Variants in USP32 observed in about 807,000 individuals in gnomAD.
The protein encoded by USP32 is ubiquitin specific peptidase 32, also known as ubiquitin carboxyl-terminal hydrolase 32.
USP32 carries 59 observed loss-of-function variants against 204.8 expected under a neutral mutation model. The observed-to-expected ratio is 0.29, with a 90% CI of 0.23 to 0.36. USP32 has a LOEUF of 0.36. Ranked by LOEUF, USP32 falls within the 10% of genes least tolerant of loss-of-function variation. USP32 has a pLI of 1.00. For missense variants in USP32, 1,160 were observed against 1,946.4 expected (o/e 0.60, Z 7.60); for synonymous variants, 517 against 678.4 (o/e 0.76, Z 3.70).
intron 2 of USP32, among the ~76,000 whole-genome samples, chr17:60,317,395 A>G (rs1307059372): frequency 6.6e-6 from 1 of 151,062 alleles, no homozygotes; most frequent in Non-Finnish European, 1.5e-5. Flanking sequence ...GCATGCCTGT[A>G]GTACCAGCGA....
At position 60,183,298 on chromosome 17, in the gene USP32, A is replaced by C. The variant is rs201933998; in HGVS notation, c.3990T>G (p.Asp1330Glu). 1,944 of 1,613,980 alleles carry C rather than the reference A, an allele frequency of 1.2e-3. 22 individuals carry two copies. The South Asian group carries it at 0.015, about 12-fold the overall frequency. The change falls in exon 31 of 34, where the codon GAT (aspartate) becomes GAG (glutamate). Residue 1330 changes from aspartate to glutamate, a missense_variant. Asp to Glu is a conservative substitution (Grantham distance 45, BLOSUM62 2). Around this residue, in one of 8 missense-constraint regions of USP32, gnomAD observed 244 missense variants for 342.3 expected, o/e 0.71. Transcript: ENST00000300896. ...CQHKPLTPQG[D>E]ELSEPRILAR... ...CCAGAATCCTGGGCTCAGAGAGCTC[A>C]TCCCCCTGGGGTGTGAGTGGTTTAT...
intron 9 of USP32, 110 bp from the exon 10 acceptor site, chr17:60,255,368 G>A (rs1245139348): frequency 2.6e-6 from 2 of 780,008 alleles, no homozygotes; most frequent in African/African-American, 1.9e-5. Context: ...CACGATCTTG[G>A]CTCACTGAAA....
chr17:60,352,922 G>C (rs2088983483), intron 1 of USP32, among the ~76,000 whole-genome samples: 1 of 152,188 alleles, frequency 6.6e-6, no homozygotes, highest in Non-Finnish European at 1.5e-5. Context: ...AGAAAAAAAT[G>C]ATCTTTGATG....
intron 1 of USP32, among the ~76,000 whole-genome samples, chr17:60,407,302 G>A (rs188188851): frequency 2.4e-3 from 370 of 152,284 alleles, no homozygotes; most frequent in Admixed American, 3.8e-3. Context: ...GTAGAGCTAA[G>A]TTCCAGGAGA....
chr17:60,420,092 T>G (rs934218184), intron 1 of USP32, among the ~76,000 whole-genome samples: 27 of 142,092 alleles, frequency 1.9e-4, no homozygotes, highest in Admixed American at 7.6e-4. Context: ...TATTTTATTT[T>G]ATTTGTTTTG....
chr17:60,284,511 C>T (rs1056378468), intron 5 of USP32, among the ~76,000 whole-genome samples: 8 of 152,088 alleles, frequency 5.3e-5, no homozygotes, highest in East Asian at 3.9e-4. Flanking sequence ...TGAGCCACCA[C>T]GCCCAGCCTA....
intron 1 of USP32, among the ~76,000 whole-genome samples, chr17:60,389,408 T>C (rs1344541570): frequency 6.6e-6 from 1 of 151,896 alleles, no homozygotes; most frequent in Non-Finnish European, 1.5e-5. Context: ...CCAGGAGTGG[T>C]GGCATGCGCC....
At chr17:60,247,696 G>A (rs915499128) in intron 11 of USP32, among the ~76,000 whole-genome samples, 6 of 150,404 alleles carry the variant, frequency 4.0e-5, no homozygotes, top group Non-Finnish European at 7.4e-5. Context: ...TTGTTTGTTT[G>A]TTTTTGAGAC....
chr17:60,218,352 T>C (rs1030442687), intron 16 of USP32, among the ~76,000 whole-genome samples: 11 of 151,728 alleles, frequency 7.2e-5, no homozygotes, highest in African/African-American at 2.7e-4. Context: ...CCACTCCACT[T>C]CAGCCTGGGC....
intron 5 of USP32, among the ~76,000 whole-genome samples, chr17:60,275,645 A>G (rs1484979574): frequency 6.6e-6 from 1 of 152,166 alleles, no homozygotes; most frequent in Non-Finnish European, 1.5e-5. Context: ...AGTTTAGCAA[A>G]GTAACTCTTA....
upstream of USP32, among the ~76,000 whole-genome samples, chr17:60,392,950 G>A (rs571712708): frequency 1.1e-4 from 17 of 152,168 alleles, 1 homozygote; most frequent in South Asian, 3.5e-3. Context: ...GCGTGGAGTC[G>A]TTTTAATCTG....
intron 1 of USP32, among the ~76,000 whole-genome samples, chr17:60,362,019 A>T (rs2089217616): frequency 6.6e-6 from 1 of 152,174 alleles, no homozygotes; most frequent in Non-Finnish European, 1.5e-5. Context: ...TGGCTTTACC[A>T]CAATACACAT....
chr17:60,422,256 C>T (rs549291857), exon 1 of USP32: 24 of 361,878 alleles, frequency 6.6e-5, no homozygotes, highest in African/African-American at 4.7e-4. Context: ...CAGGTGGTGT[C>T]AGGATCAGCA....
intron 12 of USP32, among the ~76,000 whole-genome samples, chr17:60,233,476 A>G (rs940787386): frequency 2.0e-5 from 3 of 152,132 alleles, no homozygotes; most frequent in African/African-American, 7.2e-5. Context: ...CAAGCAAACA[A>G]CAACAACAAA....
intron 12 of USP32, among the ~76,000 whole-genome samples, chr17:60,232,012 C>T (rs1229737292): frequency 6.6e-6 from 1 of 151,912 alleles, no homozygotes; most frequent in Non-Finnish European, 1.5e-5. Context: ...TTTAGTCTTG[C>T]CAGTATTTGA....
intron 2 of USP32, among the ~76,000 whole-genome samples, chr17:60,338,352 A>C (rs1348251475): frequency 6.6e-6 from 1 of 151,986 alleles, no homozygotes; most frequent in Non-Finnish European, 1.5e-5. Flanking sequence ...TACTACATAG[A>C]AATGTTTTGT....
At chr17:60,189,064 ATT>A (rs755184628) in intron 29 of USP32, among the ~76,000 whole-genome samples, 2 of 152,244 alleles carry the variant, frequency 1.3e-5, no homozygotes, top group Non-Finnish European at 2.9e-5. Flanking sequence ...GAGCCAAATA[ATT>A]TGTCATCATT....
chr17:60,305,809 G>T (rs1004259435), intron 2 of USP32, among the ~76,000 whole-genome samples: 5 of 152,162 alleles, frequency 3.3e-5, no homozygotes, highest in Non-Finnish European at 7.4e-5. Context: ...AGTAAGGTAT[G>T]ACTTTCAGTT....
At chr17:60,280,367 G>A (rs1157566747) in intron 5 of USP32, among the ~76,000 whole-genome samples, 2 of 152,122 alleles carry the variant, frequency 1.3e-5, no homozygotes, top group African/African-American at 4.8e-5. Flanking sequence ...AAAGTGGTGG[G>A]ATTACAGGCT....
Sources: allele counts gnomAD v4.1 joint callset (sites outside exome capture counted in the v4.1 genomes callset), GRCh38; gene constraint gnomAD v4.1.1; regional missense constraint gnomAD v4.1.1; transcripts MANE v1.5; gene names NCBI Gene and HGNC (gene_info 2026-07-23, HGNC 2026-07-21).